Variants in KCNB2 observed in about 807,000 individuals in gnomAD.
The protein encoded by KCNB2 is potassium voltage-gated channel subfamily B member 2.
KCNB2 carries 15 observed loss-of-function variants against 61.5 expected under a neutral mutation model. The observed-to-expected ratio is 0.24, with a 90% confidence interval of 0.16 to 0.38. The LOEUF (loss-of-function observed/expected upper bound fraction) is 0.38. Ranked by LOEUF, KCNB2 falls within the 10% of genes least tolerant of loss-of-function variation. KCNB2 has a pLI of 1.00. For synonymous variants in KCNB2, 457 were observed against 446.0 expected (o/e 1.02, Z -0.31); for missense variants, 828 against 1,125.2 (o/e 0.74, Z 3.78).
chr8:72,737,216 G>A (rs914262414), intron 2 of KCNB2, among the ~76,000 whole-genome samples: 1 of 152,140 alleles, frequency 6.6e-6, no homozygotes, highest in Non-Finnish European at 1.5e-5. Context: ...TTGGATTATA[G>A]TTTAGTTTGC....
chr8:72,927,850 C>T (rs1244848150), intron 2 of KCNB2, among the ~76,000 whole-genome samples: 1 of 152,156 alleles, frequency 6.6e-6, no homozygotes, highest in Non-Finnish European at 1.5e-5. Context: ...TCTGAGCAAA[C>T]CATCATCTTT....
At chr8:72,738,831 G>T (rs911708975) in intron 2 of KCNB2, among the ~76,000 whole-genome samples, 1 of 152,048 alleles carries the variant, frequency 6.6e-6, no homozygotes, top group African/African-American at 2.4e-5. Context: ...AAGTTTAAAA[G>T]AGTTTTATCA....
intron 2 of KCNB2, among the ~76,000 whole-genome samples, chr8:72,872,379 C>A (rs1585945849): frequency 6.6e-6 from 1 of 152,206 alleles, no homozygotes; most frequent in South Asian, 2.1e-4. Context: ...AAAGTTAAAT[C>A]TCATAAACCG....
Position 72,848,194 on chromosome 8 carries a change from T to G in KCNB2, c.580-87741T>G, listed in dbSNP as rs146004526. ...CTTTCTATTTTCACTCTATCAATCATAATAGGTCATAAAGTTTAGCCCTTA... is the reference window on the plus strand; with the variant it reads ...CTTTCTATTTTCACTCTATCAATCAGAATAGGTCATAAAGTTTAGCCCTTA... On this transcript the variant is annotated intron_variant, in intron 2 of 2. Coordinates refer to ENST00000523207, the MANE Select transcript of KCNB2 (RefSeq NM_004770.3). 3.6e-3 allele frequency among the ~76,000 whole-genome samples: 545 copies of G among 152,310 alleles called. 2 individuals carry two copies. The highest frequency in any genetic ancestry group is 5.6e-3 in the Non-Finnish European group (380 of 68,020).
Position 72,688,290 on chromosome 8 carries a change from A to T in KCNB2, c.579+119977A>T, listed in dbSNP as rs28369470. 9.7e-3 allele frequency among the ~76,000 whole-genome samples: 1,472 copies of T among 152,122 alleles called. 22 individuals are homozygous for T. Among genetic ancestry groups the T allele is most frequent in the African/African-American group, 0.034 (1,397 of 41,492 alleles). On this transcript the variant is annotated intron_variant, in intron 2 of 2. Transcript: ENST00000523207. ...CCTTAGCTTTCTGAACTGATTTCTT[A>T]TTGTTCTCTGAGTTTGCATGCATTG...
At chr8:72,711,677 G>C (rs976266223) in intron 2 of KCNB2, among the ~76,000 whole-genome samples, 16 of 152,216 alleles carry the variant, frequency 1.1e-4, no homozygotes, top group African/African-American at 3.4e-4. Flanking sequence ...CCGGGATCTT[G>C]AGGGGACCAT....
At chr8:72,570,200 T>C (rs747335791) in intron 2 of KCNB2, among the ~76,000 whole-genome samples, 1 of 152,174 alleles carries the variant, frequency 6.6e-6, no homozygotes, top group Non-Finnish European at 1.5e-5. Context: ...CTTCAAATTA[T>C]GTCTGTATGT....
At chr8:72,589,985 A>T (rs1248655191) in intron 2 of KCNB2, among the ~76,000 whole-genome samples, 1 of 152,192 alleles carries the variant, frequency 6.6e-6, no homozygotes, top group African/African-American at 2.4e-5. Flanking sequence ...TTAGGCTCTT[A>T]TAATGATTTT....
chr8:72,692,687 C>T (rs888164242), intron 2 of KCNB2, among the ~76,000 whole-genome samples: 16 of 151,774 alleles, frequency 1.1e-4, no homozygotes, highest in Admixed American at 5.9e-4. Flanking sequence ...TTTTATATTT[C>T]TATAATTGTA....
chr8:72,882,737 A>AAAAAG (rs1491090102), intron 2 of KCNB2, among the ~76,000 whole-genome samples: 4 of 131,238 alleles, frequency 3.0e-5, no homozygotes, highest in East Asian at 3.9e-4. Context: ...AAAGAAAAAG[A>AAAAAG]AAAAAAAAAT....
At chr8:72,796,595 G>T (rs1320536992) in intron 2 of KCNB2, among the ~76,000 whole-genome samples, 1 of 149,160 alleles carries the variant, frequency 6.7e-6, no homozygotes, top group Non-Finnish European at 1.5e-5. Flanking sequence ...AAATATATAG[G>T]TCATTTTTTT....
intron 2 of KCNB2, among the ~76,000 whole-genome samples, chr8:72,734,279 C>T (rs1807800772): frequency 6.6e-6 from 1 of 152,166 alleles, no homozygotes; most frequent in African/African-American, 2.4e-5. Context: ...GAGCCAACAT[C>T]AGTACATCCC....
chr8:72,598,838 C>G (rs897165652), intron 2 of KCNB2, among the ~76,000 whole-genome samples: 44 of 152,250 alleles, frequency 2.9e-4, no homozygotes, highest in Non-Finnish European at 5.7e-4. Context: ...GAGTGAACTC[C>G]CATTCACAAT....
intron 2 of KCNB2, among the ~76,000 whole-genome samples, chr8:72,663,656 GAA>G (rs1351396677): frequency 6.6e-6 from 1 of 152,142 alleles, no homozygotes; most frequent in Non-Finnish European, 1.5e-5. Flanking sequence ...CTGGAACAAT[GAA>G]AAGTCACTGG....
chr8:72,927,852 A>G (rs572593022), intron 2 of KCNB2, among the ~76,000 whole-genome samples: 1 of 152,262 alleles, frequency 6.6e-6, no homozygotes, highest in South Asian at 2.1e-4. Context: ...TGAGCAAACC[A>G]TCATCTTTTG....
At position 72,696,661 on chromosome 8, in the gene KCNB2, T is replaced by G. The variant is rs531060314; in HGVS notation, c.579+128348T>G. Among the ~76,000 whole-genome samples the G allele has an allele frequency of 6.6e-5, 10 of 152,226 alleles. 1 individual carries two copies. In the South Asian group the frequency reaches 2.1e-3, roughly 32 times the overall value. ...TCACCTGGAGTAAGTACAAGGATCT[T>G]CAGAAACAGCCCCATTCTGATCTTG... On this transcript the variant is annotated intron_variant, in intron 2 of 2. Transcript: ENST00000523207.
intron 2 of KCNB2, among the ~76,000 whole-genome samples, chr8:72,926,406 T>G (rs1806649952): frequency 6.6e-6 from 1 of 152,186 alleles, no homozygotes; most frequent in South Asian, 2.1e-4. Context: ...TGTGTTCACA[T>G]GTATTATTTT....
intron 2 of KCNB2, among the ~76,000 whole-genome samples, chr8:72,621,170 A>G (rs1262169062): frequency 6.6e-6 from 1 of 152,186 alleles, no homozygotes; most frequent in African/African-American, 2.4e-5. Context: ...ACATATGTAC[A>G]TTTCATCTCT....
At chr8:72,887,792 C>A (rs1051592280) in intron 2 of KCNB2, among the ~76,000 whole-genome samples, 1 of 152,208 alleles carries the variant, frequency 6.6e-6, no homozygotes, top group Non-Finnish European at 1.5e-5. Flanking sequence ...ATTCAGTCAA[C>A]TCCAGCTCTG....
Sources: allele counts gnomAD v4.1 joint callset (sites outside exome capture counted in the v4.1 genomes callset), GRCh38; gene constraint gnomAD v4.1.1; transcripts MANE v1.5; gene names NCBI Gene and HGNC (gene_info 2026-07-23, HGNC 2026-07-21).